ZDHHC1: variants seen among roughly 807,000 people sequenced by gnomAD.
ZDHHC1 encodes the protein palmitoyltransferase ZDHHC1.
ZDHHC1 carries 45 observed loss-of-function variants against 46.9 expected under a neutral mutation model. That is an observed-to-expected ratio of 0.96 (90% CI 0.76 to 1.23). The LOEUF (loss-of-function observed/expected upper bound fraction) is 1.23, where lower values mean the gene tolerates loss of function less well. Ranked by LOEUF, ZDHHC1 falls within the 50% of genes most tolerant of loss-of-function variation. The pLI is 0.00. For synonymous variants in ZDHHC1, 291 were observed against 286.0 expected (o/e 1.02, Z -0.18); for missense variants, 649 against 670.8 (o/e 0.97, Z 0.36).
In ZDHHC1 at chr16:67,409,487, G is replaced by A. The variant is rs115320360; in HGVS notation, c.-38-1674C>T. Among the ~76,000 whole-genome samples the A allele has an allele frequency of 6.1e-3, 936 of 152,316 alleles. 7 individuals are homozygous for A. The highest frequency in any genetic ancestry group is 0.021 in the African/African-American group (873 of 41,568). Reference sequence around the variant, plus strand: ...GCAGAGGCAGCATTCTGGTATAGACGCCCAGGCTGGCCCAGAGGCATGCCC... The same window carrying A: ...GCAGAGGCAGCATTCTGGTATAGACACCCAGGCTGGCCCAGAGGCATGCCC... On this transcript the variant is annotated intron_variant, in intron 1 of 11. Transcript: ENST00000565726.
chr16:67,406,157 C>T lies in ZDHHC1; in HGVS notation c.252+43G>A. The stretch of plus-strand genomic sequence containing the variant: ...CTCCGCTGTGCCAGCCATCCTTTGC[C>T]TCCCCACTTCCACACACCAGCCCTA... On this transcript the variant is annotated intron_variant, in intron 3 of 11. Transcript: ENST00000565726. This position sits in a 1 kb window ranked among gnomAD's most constrained non-coding sequence, Gnocchi z 4.1. 6.3e-7 allele frequency: 1 copy of T among 1,588,266 alleles called. No homozygotes were observed. Among genetic ancestry groups the T allele is most frequent in the Non-Finnish European group, 8.6e-7 (1 of 1,164,424 alleles).
At chr16:67,414,305 C>G (rs752667029) in intron 1 of ZDHHC1, among the ~76,000 whole-genome samples, 14 of 152,160 alleles carry the variant, frequency 9.2e-5, no homozygotes, top group Non-Finnish European at 1.9e-4. Context: ...AATTAAGCAC[C>G]ACTGTTGCTT....
intron 1 of ZDHHC1, among the ~76,000 whole-genome samples, chr16:67,408,949 C>T (rs1363475274): frequency 6.6e-6 from 1 of 152,178 alleles, no homozygotes; most frequent in Admixed American, 6.5e-5. Context: ...GACACCATCA[C>T]CAGGGCAATT....
Position 67,398,334 on chromosome 16 carries a change from G to A in ZDHHC1, c.815-10C>T. ...GTGAGCTTGTGCCACACTGGTGGGGGGAGGAGAGGGCTCAGTGCGGTGGAA... is the reference window on the plus strand; with the variant it reads ...GTGAGCTTGTGCCACACTGGTGGGGAGAGGAGAGGGCTCAGTGCGGTGGAA... On this transcript the variant is annotated splice_polypyrimidine_tract_variant and intron_variant, in intron 7 of 11. Coordinates refer to ENST00000565726, the MANE Select transcript of ZDHHC1 (RefSeq NM_001323627.2). 1.2e-6 allele frequency: 2 copies of A among 1,611,178 alleles called. No homozygotes were observed. The highest frequency in any genetic ancestry group is 1.7e-6 in the Non-Finnish European group (2 of 1,178,468).
At position 67,399,393 on chromosome 16, in the gene ZDHHC1, G is replaced by A; in HGVS notation, c.492C>T (p.Cys164=). The change falls in exon 5 of 12, where the codon TGC becomes TGT. Residue 164 remains cysteine (C), a synonymous_variant. Transcript: ENST00000565726. Reference sequence around the variant, plus strand: ...CGCCCACACAGTTGTTGAGCCACTTGCAGTGGTGGTCGAAACCGCACACGC... The same window carrying A: ...CGCCCACACAGTTGTTGAGCCACTTACAGTGGTGGTCGAAACCGCACACGC... ...NKCVCGFDHH[C]KWLNNCVGER... The A allele has an allele frequency of 1.9e-6, 3 of 1,613,390 alleles. No homozygotes were observed. The highest frequency in any genetic ancestry group is 2.5e-6 in the Non-Finnish European group (3 of 1,179,840).
At chr16:67,404,779 C>A in intron 3 of ZDHHC1, 1 of 452,578 alleles carries the variant, frequency 2.2e-6, no homozygotes, top group Non-Finnish European at 4.5e-6. Context: ...TGAGATCATT[C>A]ATGTAAAGTG....
intron 9 of ZDHHC1, 82 bp downstream of exon 9, chr16:67,395,402 T>C (rs2040409668): frequency 1.3e-6 from 2 of 1,539,224 alleles, no homozygotes; most frequent in Non-Finnish European, 1.7e-6. Flanking sequence ...GCCCCGACCT[T>C]AGCCTACCCC....
chr16:67,413,529 G>A (rs2040783941), intron 1 of ZDHHC1, among the ~76,000 whole-genome samples: 1 of 152,254 alleles, frequency 6.6e-6, no homozygotes, highest in African/African-American at 2.4e-5. Flanking sequence ...TAACGGATGC[G>A]CATCACACAA....
chr16:67,415,626 G>A (rs1597554126), intron 1 of ZDHHC1, among the ~76,000 whole-genome samples: 1 of 151,920 alleles, frequency 6.6e-6, no homozygotes, highest in South Asian at 2.1e-4. Flanking sequence ...GCGTGGCGGC[G>A]GGCGCCTGTA....
In ZDHHC1 at chr16:67,394,811, G is replaced by GTAGAT; in HGVS notation, c.1247_1248insATCTA (p.Ala417SerfsTer50). ...ACTCTGCCGACGCCGAGTGGTAGGC[G>GTAGAT]CCGGCAGGGCCAGCGGCGTGCACAG... On this transcript the variant is annotated frameshift_variant, in exon 12 of 12. Coordinates refer to ENST00000565726, the MANE Select transcript of ZDHHC1 (RefSeq NM_001323627.2). LOFTEE classifies it low-confidence loss of function (END_TRUNC). 1 of 1,523,604 alleles carries GTAGAT rather than the reference G, an allele frequency of 6.6e-7. No homozygotes were observed. Among genetic ancestry groups the GTAGAT allele is most frequent in the South Asian group, 1.2e-5 (1 of 81,460 alleles). 94.4% of individuals were successfully genotyped at this position (1,523,604 alleles called of 1,614,324 possible). A position where few individuals can be genotyped will look rare whatever the true frequency, so the allele number is the denominator to read the frequency against.
chr16:67,394,193 G>A lies in ZDHHC1; in HGVS notation c.*417C>T, dbSNP rs145348547. Among the ~76,000 whole-genome samples, 4,092 of 152,324 alleles carry A rather than the reference G, an allele frequency of 0.027. 93 individuals are homozygous for A. The highest frequency in any genetic ancestry group is 0.063 in the South Asian group (305 of 4,832). On this transcript the variant is annotated 3_prime_UTR_variant, in exon 12 of 12. Transcript: ENST00000565726. Reference sequence around the variant, plus strand: ...CTGCTGCTTTCGGAGCCCAAAGCCTGCTTTCTCTCGGCCTCCCAGTGCAAA... The same window carrying A: ...CTGCTGCTTTCGGAGCCCAAAGCCTACTTTCTCTCGGCCTCCCAGTGCAAA...
At chr16:67,407,900 A>G (rs533199828) in intron 1 of ZDHHC1, 87 bp from the exon 2 acceptor site, 18 of 703,604 alleles carry the variant, frequency 2.6e-5, no homozygotes, top group South Asian at 2.5e-4. Context: ...CCTGCCTTCC[A>G]TCCATCCAGC....
chr16:67,403,326 A>AG (rs2040588323), intron 3 of ZDHHC1, among the ~76,000 whole-genome samples: 1 of 152,376 alleles, frequency 6.6e-6, no homozygotes, highest in Non-Finnish European at 1.5e-5. Context: ...AATTTAAAAA[A>AG]CATGCCTATA....
Position 67,406,173 on chromosome 16 carries a change from A to G in ZDHHC1, c.252+27T>C. Reference sequence around the variant, plus strand: ...ATCCTTTGCCTCCCCACTTCCACACACCAGCCCTACGCTTTCCCAAGGATA... The same window carrying G: ...ATCCTTTGCCTCCCCACTTCCACACGCCAGCCCTACGCTTTCCCAAGGATA... On this transcript the variant is annotated intron_variant, in intron 3 of 11. Coordinates refer to ENST00000565726, the MANE Select transcript of ZDHHC1 (RefSeq NM_001323627.2). The surrounding 1 kb of genome is among the most constrained non-coding windows in gnomAD (Gnocchi z 4.1). 6.2e-7 allele frequency: 1 copy of G among 1,607,878 alleles called. No homozygotes were observed. The highest frequency in any genetic ancestry group is 1.1e-5 in the South Asian group (1 of 90,340).
chr16:67,399,219 G>A, intron 5 of ZDHHC1, 136 bp downstream of exon 5: 1 of 854,534 alleles, frequency 1.2e-6, no homozygotes, highest in Non-Finnish European at 1.8e-6. Flanking sequence ...TCTCTGGGCA[G>A]CACCCCCGCA....
intron 4 of ZDHHC1, among the ~76,000 whole-genome samples, chr16:67,400,372 G>A (rs956270651): frequency 4.6e-5 from 7 of 152,306 alleles, no homozygotes; most frequent in East Asian, 1.9e-4. Context: ...GTGGCGGGGC[G>A]CAGCACGTAG....
intron 7 of ZDHHC1, 24 bp from the exon 8 acceptor site, chr16:67,398,348 AG>A (rs1327728301): frequency 6.2e-7 from 1 of 1,604,812 alleles, no homozygotes; most frequent in South Asian, 1.1e-5. Context: ...GAGAGGGCTC[AG>A]TGCGGTGGAA....
chr16:67,409,695 T>G (rs1353302032), intron 1 of ZDHHC1, among the ~76,000 whole-genome samples: 1 of 152,166 alleles, frequency 6.6e-6, no homozygotes, highest in Non-Finnish European at 1.5e-5. Context: ...TGGCTGTTGC[T>G]CCCCTCTCAG....
At chr16:67,397,166 C>T (rs988162150) in intron 8 of ZDHHC1, among the ~76,000 whole-genome samples, 3 of 152,248 alleles carry the variant, frequency 2.0e-5, no homozygotes, top group Admixed American at 6.5e-5. Flanking sequence ...TAAATGTCTT[C>T]GCTGTGGCCA....
Sources: allele counts gnomAD v4.1 joint callset (sites outside exome capture counted in the v4.1 genomes callset), GRCh38; gene constraint gnomAD v4.1.1; non-coding constraint Gnocchi (gnomAD v3.1); transcripts MANE v1.5; gene names NCBI Gene and HGNC (gene_info 2026-07-23, HGNC 2026-07-21).